TMPRSS4: variants seen among roughly 807,000 people sequenced by gnomAD.
The protein encoded by TMPRSS4 is transmembrane serine protease 4, also known as transmembrane protease serine 4.
A neutral mutation model predicts 56.4 loss-of-function variants in TMPRSS4; 45 were observed. That is an observed-to-expected ratio of 0.80 (90% CI 0.63 to 1.02). The LOEUF (loss-of-function observed/expected upper bound fraction) is 1.02, where lower values mean the gene tolerates loss of function less well. TMPRSS4 is among the 50% of genes least tolerant of loss of function. TMPRSS4 has a pLI of 0.00. For synonymous variants in TMPRSS4, 205 were observed against 211.0 expected (o/e 0.97, Z 0.25); for missense variants, 546 against 556.7 (o/e 0.98, Z 0.19).
chr11:118,082,648 A>T (rs576995421), intron 1 of TMPRSS4, among the ~76,000 whole-genome samples: 2 of 152,360 alleles, frequency 1.3e-5, no homozygotes, highest in Admixed American at 1.3e-4. Flanking sequence ...AGGGAAAACC[A>T]GTAGCTATAA....
intron 7 of TMPRSS4, among the ~76,000 whole-genome samples, chr11:118,109,296 T>C (rs1420072269): frequency 6.6e-6 from 1 of 152,236 alleles, no homozygotes; most frequent in Non-Finnish European, 1.5e-5. Flanking sequence ...TTTGAGCAAC[T>C]ATTCATTGAA....
chr11:118,078,727 T>C (rs1418393690), intron 1 of TMPRSS4, among the ~76,000 whole-genome samples: 1 of 152,036 alleles, frequency 6.6e-6, no homozygotes. Context: ...AAGGGAATCA[T>C]TTCTAGGGCA....
At chr11:118,099,783 A>T (rs747405588) in intron 3 of TMPRSS4, among the ~76,000 whole-genome samples, 7 of 152,124 alleles carry the variant, frequency 4.6e-5, no homozygotes, top group Non-Finnish European at 1.0e-4. Flanking sequence ...AAGAGGAGGC[A>T]GCAGGGAAGA....
At chr11:118,077,857 C>CA (rs1476830443) in intron 1 of TMPRSS4, among the ~76,000 whole-genome samples, 4 of 151,552 alleles carry the variant, frequency 2.6e-5, no homozygotes, top group Admixed American at 2.6e-4. Context: ...ACTAAAAATA[C>CA]AAAAAATTAG....
chr11:118,103,254 G>C lies in TMPRSS4; in HGVS notation c.310+1G>C, dbSNP rs768873510. On this transcript the variant is annotated splice_donor_variant, in intron 4 of 12. Transcript: ENST00000437212. LOFTEE classifies it high-confidence loss of function. The stretch of plus-strand genomic sequence containing the variant: ...TTCCCCGAAGGGCCTGCAGTGGCAG[G>C]TGAGTGCAGGGTCTGAGGCACAAGA... The C allele has an allele frequency of 6.2e-7, 1 of 1,613,110 alleles. No homozygotes were observed. The highest frequency in any genetic ancestry group is 8.5e-7 in the Non-Finnish European group (1 of 1,179,780).
At position 118,094,850 on chromosome 11, in the gene TMPRSS4, G is replaced by A; in HGVS notation, c.38G>A (p.Ser13Asn). The A allele has an allele frequency of 1.2e-6, 2 of 1,612,382 alleles. No homozygotes were observed. Among genetic ancestry groups the A allele is most frequent in the Non-Finnish European group, 1.7e-6 (2 of 1,179,348 alleles). ...CCTGACAGTGATCAACCTCTGAACA[G>A]CCTCGGTAAGTTCAGGTCCGGCTTT... ...QDPDSDQPLN[S>N]LDVKPLRKPR... Residue 13 changes from serine (S) to asparagine (N), a missense_variant, in exon 2 of 13, where the codon AGC becomes AAC. Coordinates refer to ENST00000437212, the MANE Select transcript of TMPRSS4 (RefSeq NM_019894.4).
At chr11:118,109,243 C>G (rs530611404) in intron 7 of TMPRSS4, among the ~76,000 whole-genome samples, 7 of 152,242 alleles carry the variant, frequency 4.6e-5, no homozygotes, top group Non-Finnish European at 8.8e-5. Context: ...TTCTTTGTCA[C>G]AATCAGCTCA....
intron 1 of TMPRSS4, among the ~76,000 whole-genome samples, chr11:118,093,824 C>A (rs997798274): frequency 6.6e-6 from 1 of 151,386 alleles, no homozygotes; most frequent in Non-Finnish European, 1.5e-5. Flanking sequence ...AACTGCCCCC[C>A]CCAATGGTAA....
intron 3 of TMPRSS4, among the ~76,000 whole-genome samples, chr11:118,099,471 GAA>G (rs1565426420): frequency 8.4e-4 from 20 of 23,868 alleles, no homozygotes; most frequent in Admixed American, 8.3e-3. Flanking sequence ...AAGAAAGAAA[GAA>G]AGAAAGAAAA....
At chr11:118,094,349 G>C (rs946756729) in intron 1 of TMPRSS4, among the ~76,000 whole-genome samples, 1 of 152,178 alleles carries the variant, frequency 6.6e-6, no homozygotes, top group African/African-American at 2.4e-5. Context: ...TTTATGTAGA[G>C]AAATTTTATT....
At chr11:118,115,655 A>T (rs1372810577) in intron 11 of TMPRSS4, 1 of 182,404 alleles carries the variant, frequency 5.5e-6, no homozygotes, top group African/African-American at 2.3e-5. Flanking sequence ...TCCCATCTCT[A>T]CTAAAAAGAA....
chr11:118,118,023 C>G lies in TMPRSS4; in HGVS notation c.*110C>G, dbSNP rs946607451. The G allele has an allele frequency of 9.4e-6, 15 of 1,589,650 alleles. No individual in the cohort carries two copies. In the Admixed American group the frequency reaches 2.1e-4, roughly 22 times the overall value. ...GAGTCCCCTTGGGTACACCCCTCTG[C>G]CCACAGCCTCAGCATTTCTTGGAGC... On this transcript the variant is annotated 3_prime_UTR_variant, in exon 13 of 13. Coordinates refer to ENST00000437212, the MANE Select transcript of TMPRSS4 (RefSeq NM_019894.4).
intron 9 of TMPRSS4, among the ~76,000 whole-genome samples, chr11:118,113,758 A>G (rs1019005019): frequency 7.2e-5 from 11 of 152,220 alleles, no homozygotes; most frequent in Non-Finnish European, 1.5e-4. Flanking sequence ...CTAATTCCCC[A>G]CCACTGACCA....
At chr11:118,090,939 T>C (rs10450611) in intron 1 of TMPRSS4, among the ~76,000 whole-genome samples, 3 of 152,154 alleles carry the variant, frequency 2.0e-5, no homozygotes, top group Non-Finnish European at 4.4e-5. Flanking sequence ...CTTCTAGCAC[T>C]ATTCCGGGTC....
At chr11:118,100,793 C>G (rs943464764) in intron 3 of TMPRSS4, among the ~76,000 whole-genome samples, 3 of 152,228 alleles carry the variant, frequency 2.0e-5, no homozygotes, top group Non-Finnish European at 4.4e-5. Flanking sequence ...GAAAGCCAAG[C>G]AGGCACTAAA....
intron 1 of TMPRSS4, among the ~76,000 whole-genome samples, chr11:118,080,656 A>G (rs1176752556): frequency 1.3e-5 from 2 of 152,184 alleles, no homozygotes; most frequent in Admixed American, 1.3e-4. Context: ...TGAGGAGCTG[A>G]ATGTAAGAAA....
chr11:118,100,251 G>C (rs928340607), intron 3 of TMPRSS4, among the ~76,000 whole-genome samples: 1 of 152,242 alleles, frequency 6.6e-6, no homozygotes, highest in African/African-American at 2.4e-5. Flanking sequence ...TTGCAAAAGA[G>C]TGTGTCATCA....
chr11:118,111,779 G>C lies in TMPRSS4; in HGVS notation c.622G>C (p.Val208Leu). Reference protein sequence around the residue: ...KSLKTPRVVGVEEASVDSWPW... With the variant: ...KSLKTPRVVGLEEASVDSWPW... ...CCTGAAGACCCCCCGTGTGGTGGGT[G>C]TGGAGGAGGCCTCTGTGGATTCTTG... Residue 208 changes from valine to leucine, a missense_variant, in exon 8 of 13, where the codon GTG (valine) becomes CTG (leucine). By Grantham distance (32) the Val-to-Leu change is conservative. Coordinates refer to ENST00000437212, the MANE Select transcript of TMPRSS4 (RefSeq NM_019894.4). The C allele has an allele frequency of 6.2e-7, 1 of 1,601,842 alleles. No individual in the cohort carries two copies. The highest frequency in any genetic ancestry group is 8.5e-7 in the Non-Finnish European group (1 of 1,174,590).
At chr11:118,113,522 CATA>C in intron 9 of TMPRSS4, 87 bp downstream of exon 9, 2 of 1,469,426 alleles carry the variant, frequency 1.4e-6, no homozygotes, top group South Asian at 2.5e-5. Context: ...GCCCTTGGCA[CATA>C]ATGTCTCCTC....
Sources: gnomAD v4.1 joint callset for allele counts (sites outside exome capture counted in the v4.1 genomes callset) on GRCh38, gnomAD v4.1.1 for gene constraint, MANE v1.5 for transcripts, NCBI Gene and HGNC (gene_info 2026-07-23, HGNC 2026-07-21) for gene names.